DLG4: variants seen among roughly 807,000 people sequenced by gnomAD.
The protein encoded by DLG4 is disks large homolog 4.
DLG4 carries 7 observed loss-of-function variants against 93.8 expected under a neutral mutation model. The observed-to-expected ratio is 0.07, with a 90% CI of 0.04 to 0.14. The LOEUF (loss-of-function observed/expected upper bound fraction) is 0.14. DLG4 is among the 10% of genes least tolerant of loss of function. The pLI, the probability that DLG4 is intolerant of heterozygous loss-of-function variation, is 1.00. For synonymous variants in DLG4, 341 were observed against 387.6 expected, an observed-to-expected ratio of 0.88 and a Z score of 1.41; for missense variants, 545 against 992.9, an observed-to-expected ratio of 0.55 and a Z score of 6.06.
intron 2 of DLG4, chr17:7,207,971 TC>T: frequency 1.5e-6 from 1 of 683,786 alleles, no homozygotes; most frequent in Non-Finnish European, 1.9e-6. Context: ...AGTCCCAGCA[TC>T]CCCCTCCCCA....
Position 7,191,831 on chromosome 17 carries a change from T to C in DLG4, c.1976+62A>G. The C allele has an allele frequency of 1.6e-6, 2 of 1,215,968 alleles. No individual in the cohort carries two copies. The highest frequency in any genetic ancestry group is 3.0e-5 in the African/African-American group (2 of 65,678). 75.3% of individuals were successfully genotyped at this position (1,215,968 alleles called of 1,614,324 possible). A position where few individuals can be genotyped will look rare whatever the true frequency, so the allele number is the denominator to read the frequency against. On this transcript the variant is annotated intron_variant, in intron 18 of 19. Coordinates refer to ENST00000399506, the MANE Select transcript of DLG4 (RefSeq NM_001321075.3). The surrounding 1 kb of genome is among the most constrained non-coding windows in gnomAD (Gnocchi z 6.6). ...AAGGGAGAGTTGAACGCAGACGCCT[T>C]GTGAGGCCCAGGGCCACAGGTGTTG...
chr17:7,205,252 G>T, intron 2 of DLG4: 1 of 878,380 alleles, frequency 1.1e-6, no homozygotes, highest in Non-Finnish European at 1.4e-6. Context: ...CTTCATTCGG[G>T]AAAGGGTTAA....
At position 7,194,889 on chromosome 17, in the gene DLG4, G is replaced by C. The variant is rs562292012; in HGVS notation, c.1302-394C>G. 6.6e-6 allele frequency among the ~76,000 whole-genome samples: 1 copy of C among 152,036 alleles called. No individual in the cohort carries two copies. Among genetic ancestry groups the C allele is most frequent in the South Asian group, 2.1e-4 (1 of 4,810 alleles). On this transcript the variant is annotated intron_variant, in intron 11 of 19. Transcript: ENST00000399506. This position sits in a 1 kb window ranked among gnomAD's most constrained non-coding sequence, Gnocchi z 4.4. ...AAAATATTAGCCGGGCACGGTGGCG[G>C]GTGCCTGTATTCCCAGCTTCTCGGG...
rs2070227600 is a variant in DLG4, at chr17:7,202,972, A to G, written c.718T>C (p.Tyr240His). The change falls in exon 8 of 20, where the codon TAC becomes CAC. Residue 240 changes from tyrosine to histidine, a missense_variant. Physicochemically the swap from Tyr to His is moderately conservative, Grantham distance 83 (BLOSUM62 2). Coordinates refer to ENST00000399506, the MANE Select transcript of DLG4 (RefSeq NM_001321075.3). ...AALKNTYDVV[Y>H]LKVAKPSNAY... ...TTGCTGGGCTTGGCCACCTTTAGGT[A>G]GACAACATCATACGTGTTCTTCAGG... 1.2e-6 allele frequency: 2 copies of G among 1,613,844 alleles called. No individual in the cohort carries two copies. Among genetic ancestry groups the G allele is most frequent in the South Asian group, 1.1e-5 (1 of 91,086 alleles).
rs2069362157 is a variant in DLG4 at position 7,188,783 on chromosome 17, T to G, written c.*1925A>C. On this transcript the variant is annotated 3_prime_UTR_variant, in exon 20 of 20. Coordinates refer to ENST00000399506, the MANE Select transcript of DLG4 (RefSeq NM_001321075.3). ...TAGATTCTTATTTTCCTACCCTCAT[T>G]ATTTACAAAGCTGCCTCAGATCTTT... 6.6e-6 allele frequency among the ~76,000 whole-genome samples: 1 copy of G among 152,138 alleles called. No individual in the cohort carries two copies. Among genetic ancestry groups the G allele is most frequent in the Non-Finnish European group, 1.5e-5 (1 of 68,020 alleles).
chr17:7,218,051 C>T (rs900933346), upstream of DLG4, among the ~76,000 whole-genome samples: 6 of 151,782 alleles, frequency 4.0e-5, no homozygotes, highest in South Asian at 2.1e-4. Flanking sequence ...CCAAAGAAAA[C>T]GAGGAAGAAA....
rs2069595738 is a variant in DLG4 at position 7,193,291 on chromosome 17, C to A, written c.1694-174G>T. Reference sequence around the variant, plus strand: ...CCGCTTCCCCTAGCACCCTCCAGGGCCTCCAAGTCTCTGGCCTGGGCATGG... The same window carrying A: ...CCGCTTCCCCTAGCACCCTCCAGGGACTCCAAGTCTCTGGCCTGGGCATGG... On this transcript the variant is annotated intron_variant, in intron 16 of 19. Coordinates refer to ENST00000399506, the MANE Select transcript of DLG4 (RefSeq NM_001321075.3). The surrounding 1 kb of genome is among the most constrained non-coding windows in gnomAD (Gnocchi z 6.7). 6.6e-6 allele frequency among the ~76,000 whole-genome samples: 1 copy of A among 152,148 alleles called. No homozygotes were observed. The highest frequency in any genetic ancestry group is 1.5e-5 in the Non-Finnish European group (1 of 68,022).
chr17:7,192,166 C>T (rs531256910), intron 17 of DLG4, 164 bp from the exon 18 acceptor site: 18 of 460,160 alleles, frequency 3.9e-5, no homozygotes, highest in African/African-American at 2.6e-4. Context: ...AGGCAGGAAG[C>T]GGGTATGGAC....
chr17:7,207,543 C>A (rs1379888027), intron 2 of DLG4, among the ~76,000 whole-genome samples: 1 of 150,584 alleles, frequency 6.6e-6, no homozygotes, highest in African/African-American at 2.5e-5. Flanking sequence ...GGGGAGGAGG[C>A]GGGGAAGGGA....
Position 7,193,328 on chromosome 17 carries a change from T to C in DLG4, c.1693+155A>G, listed in dbSNP as rs1236300937. On this transcript the variant is annotated intron_variant, in intron 16 of 19. Transcript: ENST00000399506. The surrounding 1 kb of genome is among the most constrained non-coding windows in gnomAD (Gnocchi z 6.7). ...TGGCCTGGGCATGGGTACTATGGAA[T>C]GAGAGGGTGGCTGAGAAGCACCCCT... Among the ~76,000 whole-genome samples, 3 of 152,090 alleles carry C rather than the reference T, an allele frequency of 2.0e-5. No homozygotes were observed. The highest frequency in any genetic ancestry group is 6.6e-5 in the Admixed American group (1 of 15,262).
At chr17:7,216,990 A>G (rs1391617725) in intron 1 of DLG4, 128 bp downstream of exon 1, 1 of 914,896 alleles carries the variant, frequency 1.1e-6, no homozygotes, top group African/African-American at 1.7e-5. Flanking sequence ...AAACTAAATT[A>G]AGACCCCCAA....
upstream of DLG4, chr17:7,218,465 C>T (rs1388971476): frequency 4.8e-6 from 7 of 1,462,010 alleles, no homozygotes; most frequent in Non-Finnish European, 6.6e-6. Flanking sequence ...CAAATGATCT[C>T]TGGGCTCCCA....
At position 7,197,728 on chromosome 17, in the gene DLG4, A is replaced by C. The variant is rs529869773; in HGVS notation, c.788-676T>G. 3.9e-3 allele frequency among the ~76,000 whole-genome samples: 587 copies of C among 151,884 alleles called. 3 individuals carry two copies. Among genetic ancestry groups the C allele is most frequent in the Non-Finnish European group, 6.1e-3 (414 of 67,936 alleles). On this transcript the variant is annotated intron_variant, in intron 8 of 19. Coordinates refer to ENST00000399506, the MANE Select transcript of DLG4 (RefSeq NM_001321075.3). ...TGGAACTTCTGAACTCAAATGATCC[A>C]CCCGCTTATGCCTCCCAAAGTGCTG...
At chr17:7,217,092 G>C in intron 1 of DLG4, 26 bp downstream of exon 1, 1 of 1,284,204 alleles carries the variant, frequency 7.8e-7, no homozygotes, top group South Asian at 3.4e-5. Context: ...CCTCCCCCCA[G>C]TTTATAGCCC....
rs1597429041 is a variant in DLG4 at position 7,187,313 on chromosome 17, G to GGT, written c.*3394_*3395insAC. 1.6e-5 allele frequency among the ~76,000 whole-genome samples: 2 copies of GGT among 122,456 alleles called. No homozygotes were observed. The highest frequency in any genetic ancestry group is 5.0e-4 in the East Asian group (2 of 3,976). The allele number at this position is 122,456 out of a possible 152,430, so 80.3% of individuals were successfully genotyped here. A position where few individuals can be genotyped will look rare whatever the true frequency, so the allele number is the denominator to read the frequency against. On this transcript the variant is annotated 3_prime_UTR_variant, in exon 20 of 20. Coordinates refer to ENST00000399506, the MANE Select transcript of DLG4 (RefSeq NM_001321075.3). The stretch of plus-strand genomic sequence containing the variant: ...CTAGCACTTTGGGAGGCCGAGGGGG[G>GGT]GGGGGGTGGATCACCCGAGGTCAGG...
intron 1 of DLG4, chr17:7,213,842 G>A (rs2070800662): frequency 2.1e-6 from 1 of 470,952 alleles, no homozygotes; most frequent in Non-Finnish European, 4.4e-6. Flanking sequence ...TGTTACATGC[G>A]CCCCCAAGAT....
chr17:7,217,422 C>CG lies in DLG4; in HGVS notation c.-276dup. On this transcript the variant is annotated 5_prime_UTR_variant, in exon 1 of 20. The change abolishes the stop of an existing upstream ORF in the 5' untranslated region. Coordinates refer to ENST00000399506, the MANE Select transcript of DLG4 (RefSeq NM_001321075.3). ...CGATTCTCAGGAGGGGCGGGGGCAC[C>CG]GGGGGCTGGCAGCCCCGGAGTTCGG... 7.5e-6 allele frequency: 1 copy of CG among 133,698 alleles called. No homozygotes were observed. The highest frequency in any genetic ancestry group is 1.2e-5 in the Non-Finnish European group (1 of 82,562). 8.3% of individuals were successfully genotyped at this position (133,698 alleles called of 1,614,324 possible). A position where few individuals can be genotyped will look rare whatever the true frequency, so the allele number is the denominator to read the frequency against.
chr17:7,220,038 G>A (rs759918601), upstream of DLG4: 45 of 1,604,268 alleles, frequency 2.8e-5, no homozygotes, highest in Non-Finnish European at 3.5e-5. Flanking sequence ...TGAGGCTCGG[G>A]GGCGGAAGGT....
intron 2 of DLG4, among the ~76,000 whole-genome samples, chr17:7,207,074 G>C (rs1323675770): frequency 6.6e-6 from 1 of 152,104 alleles, no homozygotes; most frequent in African/African-American, 2.4e-5. Context: ...GAGCAGAGAG[G>C]AGAAAGGGAA....
Sources: allele counts gnomAD v4.1 joint callset (sites outside exome capture counted in the v4.1 genomes callset), GRCh38; gene constraint gnomAD v4.1.1; non-coding constraint Gnocchi (gnomAD v3.1); transcripts MANE v1.5; gene names NCBI Gene and HGNC (gene_info 2026-07-23, HGNC 2026-07-21).